Variants in PECR observed in about 807,000 individuals in gnomAD.
The protein encoded by PECR is peroxisomal trans-2-enoyl-CoA reductase, also known as 2,4-dienoyl-CoA reductase-related protein.
In PECR, 30 loss-of-function variants were observed where a neutral mutation model predicts 35.3. The observed-to-expected ratio is 0.85, with a 90% confidence interval of 0.64 to 1.15. PECR has a LOEUF of 1.15. PECR is among the 50% of genes most tolerant of loss of function. The pLI, the probability that PECR is intolerant of heterozygous loss-of-function variation, is 0.00. For synonymous variants in PECR, 148 were observed against 138.9 expected (o/e 1.07, Z -0.46); for missense variants, 392 against 370.8 (o/e 1.06, Z -0.47).
At chr2:216,069,722 G>A (rs1367049546) in intron 1 of PECR, among the ~76,000 whole-genome samples, 2 of 152,086 alleles carry the variant, frequency 1.3e-5, no homozygotes, top group Non-Finnish European at 2.9e-5. Flanking sequence ...CGGATCACAA[G>A]GTCAGCAGTT....
At chr2:216,037,003 T>C (rs1694804747), downstream of PECR, among the ~76,000 whole-genome samples, 1 of 152,196 alleles carries the variant, frequency 6.6e-6, no homozygotes, top group South Asian at 2.1e-4. Context: ...TTCTCTCTCT[T>C]TCTCTCAATC....
At chr2:216,079,371 CTT>C (rs781386180) in intron 1 of PECR, among the ~76,000 whole-genome samples, 10 of 142,528 alleles carry the variant, frequency 7.0e-5, no homozygotes, top group Non-Finnish European at 1.2e-4. Context: ...ATATGTAATA[CTT>C]TTTTTTTTTT....
chr2:216,054,773 T>C (rs562411313), intron 4 of PECR, among the ~76,000 whole-genome samples: 3 of 152,352 alleles, frequency 2.0e-5, no homozygotes, highest in Admixed American at 1.3e-4. Flanking sequence ...TCATAGATGT[T>C]GTAAATTGGT....
chr2:216,048,690 A>G (rs900512342), intron 6 of PECR, among the ~76,000 whole-genome samples: 5 of 151,994 alleles, frequency 3.3e-5, no homozygotes, highest in African/African-American at 1.2e-4. Flanking sequence ...AGCCTGGGCA[A>G]CAAAGAGACT....
chr2:216,056,554 C>T (rs1695228547), intron 4 of PECR, among the ~76,000 whole-genome samples: 1 of 151,650 alleles, frequency 6.6e-6, no homozygotes, highest in African/African-American at 2.4e-5. Flanking sequence ...AACCCCGTCT[C>T]TACTAAAAAT....
At chr2:216,068,622 G>A (rs1695519685) in intron 1 of PECR, among the ~76,000 whole-genome samples, 1 of 152,010 alleles carries the variant, frequency 6.6e-6, no homozygotes, top group Non-Finnish European at 1.5e-5. Context: ...TACAGAAGAA[G>A]AAAGAGAACT....
chr2:216,067,972 T>A (rs1695500450), intron 1 of PECR, among the ~76,000 whole-genome samples: 1 of 151,832 alleles, frequency 6.6e-6, no homozygotes, highest in Non-Finnish European at 1.5e-5. Flanking sequence ...CTCACACCTG[T>A]AATCCCAGCA....
intron 3 of PECR, among the ~76,000 whole-genome samples, chr2:216,060,858 C>T (rs1387480748): frequency 6.7e-6 from 1 of 149,124 alleles, no homozygotes; most frequent in African/African-American, 2.5e-5. Context: ...TTCCATTCAT[C>T]AATAGTAAGG....
chr2:216,051,241 A>G (rs1471432012), intron 5 of PECR, among the ~76,000 whole-genome samples: 3 of 146,416 alleles, frequency 2.0e-5, no homozygotes, highest in Middle Eastern at 3.5e-3. Context: ...AGCCACGATC[A>G]TGCCACTGCA....
chr2:216,031,695 A>AAGAAAGAAAG (rs1694713198), intron 7 of PECR, among the ~76,000 whole-genome samples: 3 of 106,954 alleles, frequency 2.8e-5, no homozygotes, highest in Non-Finnish European at 6.1e-5. Context: ...AAGAAAGAGA[A>AAGAAAGAAAG]AGAAAGAAAG....
intron 1 of PECR, among the ~76,000 whole-genome samples, chr2:216,076,309 C>G (rs1254681176): frequency 6.6e-6 from 1 of 152,136 alleles, no homozygotes; most frequent in African/African-American, 2.4e-5. Context: ...TCTCATGTGT[C>G]AGCCTCCCAA....
At chr2:216,039,935 G>A (rs1694858614) in intron 7 of PECR, among the ~76,000 whole-genome samples, 2 of 152,218 alleles carry the variant, frequency 1.3e-5, no homozygotes, top group Non-Finnish European at 2.9e-5. Context: ...CGAATATAGA[G>A]TGGATCTCAG....
At chr2:216,038,057 C>T (rs1694826804), downstream of PECR, among the ~76,000 whole-genome samples, 1 of 151,768 alleles carries the variant, frequency 6.6e-6, no homozygotes, top group African/African-American at 2.4e-5. Context: ...TGCACTCCAG[C>T]CTGGGTGACA....
Position 216,039,346 on chromosome 2 carries a change from G to T in PECR, c.841C>A (p.Pro281Thr). 1 of 1,602,012 alleles carries T rather than the reference G, an allele frequency of 6.2e-7. No homozygotes were observed. The highest frequency in any genetic ancestry group is 8.6e-7 in the Non-Finnish European group (1 of 1,169,036). Residue 281 changes from proline (P) to threonine (T), a missense_variant, in exon 8 of 8, where the codon CCC (proline) becomes ACC (threonine). Transcript: ENST00000265322. Reference sequence around the variant, plus strand: ...ACAGAAAGGTCCCCTGCTCCCTTGGGCCAGTTGTCATGATCTGTTAAAGAA... The same window carrying T: ...ACAGAAAGGTCCCCTGCTCCCTTGGTCCAGTTGTCATGATCTGTTAAAGAA... ...SYEVPDHDNW[P>T]KGAGDLSVVK...
intron 1 of PECR, among the ~76,000 whole-genome samples, chr2:216,079,431 G>A (rs1045143977): frequency 1.7e-4 from 26 of 150,128 alleles, no homozygotes; most frequent in African/African-American, 6.1e-4. Flanking sequence ...GCAGCGGCAC[G>A]ATCTTGGCTC....
At chr2:216,075,183 A>ATT (rs1268518990) in intron 1 of PECR, among the ~76,000 whole-genome samples, 2 of 152,126 alleles carry the variant, frequency 1.3e-5, no homozygotes, top group African/African-American at 4.8e-5. Flanking sequence ...CAGGAGAATC[A>ATT]TTTCAGACAG....
chr2:216,051,265 G>A (rs768722916), intron 5 of PECR, among the ~76,000 whole-genome samples, 184 bp downstream of exon 5: 12 of 128,316 alleles, frequency 9.4e-5, no homozygotes, highest in Non-Finnish European at 6.3e-5. Context: ...CGGCCTGGGC[G>A]ACAGAGACTC....
chr2:216,055,235 C>T (rs1695201248), intron 4 of PECR, among the ~76,000 whole-genome samples: 8 of 151,630 alleles, frequency 5.3e-5, no homozygotes, highest in Admixed American at 5.3e-4. Context: ...GTCGGGGGTT[C>T]GAGACCACCC....
intron 7 of PECR, among the ~76,000 whole-genome samples, chr2:216,040,819 C>T (rs752038922): frequency 5.9e-5 from 9 of 151,808 alleles, no homozygotes; most frequent in Non-Finnish European, 1.2e-4. Flanking sequence ...TGCAGTGAGC[C>T]GAAATCATGT....
Sources: allele counts gnomAD v4.1 joint callset (sites outside exome capture counted in the v4.1 genomes callset), GRCh38; gene constraint gnomAD v4.1.1; transcripts MANE v1.5; gene names NCBI Gene and HGNC (gene_info 2026-07-23, HGNC 2026-07-21).